NR5A2: variants seen among roughly 807,000 people sequenced by gnomAD.
NR5A2 encodes CYP7A promoter-binding factor.
A neutral mutation model predicts 62.7 loss-of-function variants in NR5A2; 26 were observed. The observed-to-expected ratio is 0.41, with a 90% CI of 0.30 to 0.58. NR5A2 has a LOEUF of 0.58. NR5A2 is among the 20% of genes least tolerant of loss of function. The probability of loss-of-function intolerance (pLI) is 0.22; values close to 1 mark genes in which losing one functional copy is unlikely to be tolerated. For synonymous variants in NR5A2, 246 were observed against 241.7 expected (o/e 1.02, Z -0.16); for missense variants, 541 against 669.1 (o/e 0.81, Z 2.11).
At chr1:200,080,555 A>G (rs908524648) in intron 5 of NR5A2, among the ~76,000 whole-genome samples, 9 of 152,184 alleles carry the variant, frequency 5.9e-5, no homozygotes, top group African/African-American at 1.7e-4. Flanking sequence ...CTCACTATCT[A>G]AACAAAAGGC....
chr1:200,082,842 C>T (rs1664356526), intron 5 of NR5A2, among the ~76,000 whole-genome samples: 1 of 152,068 alleles, frequency 6.6e-6, no homozygotes, highest in South Asian at 2.1e-4. Flanking sequence ...AAAGGTCTTA[C>T]ATATTTATTA....
chr1:200,161,388 A>T (rs975147733), intron 7 of NR5A2, among the ~76,000 whole-genome samples: 1 of 152,154 alleles, frequency 6.6e-6, no homozygotes, highest in Non-Finnish European at 1.5e-5. Flanking sequence ...AGTTGATACA[A>T]TGTACGATCT....
At chr1:200,099,829 T>C (rs2102271159) in intron 5 of NR5A2, among the ~76,000 whole-genome samples, 1 of 152,276 alleles carries the variant, frequency 6.6e-6, no homozygotes, top group African/African-American at 2.4e-5. Flanking sequence ...CCTGACCTCG[T>C]GATCCACCCA....
chr1:200,145,904 G>A (rs953659089), intron 7 of NR5A2, among the ~76,000 whole-genome samples: 18 of 152,102 alleles, frequency 1.2e-4, no homozygotes, highest in African/African-American at 4.3e-4. Flanking sequence ...TCATATATTA[G>A]GAGAACACTG....
intron 7 of NR5A2, among the ~76,000 whole-genome samples, chr1:200,166,912 A>G (rs966959425): frequency 2.0e-5 from 3 of 152,232 alleles, no homozygotes; most frequent in African/African-American, 7.2e-5. Context: ...GGTGTTTGGT[A>G]AATGTTATTT....
chr1:200,061,610 C>T (rs1378900941), intron 5 of NR5A2, among the ~76,000 whole-genome samples: 1 of 152,190 alleles, frequency 6.6e-6, no homozygotes, highest in Non-Finnish European at 1.5e-5. Flanking sequence ...CTTGATCCAA[C>T]TTCTAATTCT....
At chr1:200,067,295 G>A (rs1274287611) in intron 5 of NR5A2, among the ~76,000 whole-genome samples, 4 of 152,168 alleles carry the variant, frequency 2.6e-5, no homozygotes, top group African/African-American at 4.8e-5. Flanking sequence ...GGTGGCTCAC[G>A]CCTGTAATCC....
At chr1:200,114,413 C>T (rs2249156) in intron 6 of NR5A2, among the ~76,000 whole-genome samples, 66,012 of 151,922 alleles carry the variant, frequency 0.43, 14,704 homozygotes, top group East Asian at 0.68. Flanking sequence ...ATATTTTCTT[C>T]ACTAGTGCAG....
At chr1:200,137,727 T>C (rs1419411025) in intron 7 of NR5A2, among the ~76,000 whole-genome samples, 1 of 152,238 alleles carries the variant, frequency 6.6e-6, no homozygotes, top group Non-Finnish European at 1.5e-5. Context: ...CATATGAATT[T>C]CTTAGTATGT....
At chr1:200,061,275 CTT>C (rs35232000) in intron 5 of NR5A2, among the ~76,000 whole-genome samples, 21 of 122,796 alleles carry the variant, frequency 1.7e-4, no homozygotes, top group Admixed American at 2.6e-4. Flanking sequence ...TCGGGATTAA[CTT>C]TTTTTTTTTT....
intron 7 of NR5A2, among the ~76,000 whole-genome samples, chr1:200,160,354 C>T (rs1405998422): frequency 2.0e-5 from 3 of 152,166 alleles, no homozygotes; most frequent in African/African-American, 7.2e-5. Flanking sequence ...GAAGATAGCA[C>T]CTTGTCCACT....
chr1:200,038,662 C>T (rs1167124264), intron 1 of NR5A2: 1 of 1,332,636 alleles, frequency 7.5e-7, no homozygotes, highest in East Asian at 4.6e-5. Context: ...GGGCACACGC[C>T]CACCCGCGCC....
intron 2 of NR5A2, chr1:200,043,107 T>A: frequency 1.5e-6 from 1 of 652,578 alleles, no homozygotes; most frequent in Non-Finnish European, 1.9e-6. Flanking sequence ...TCTTTTTCCT[T>A]CTTTTTATTT....
intron 5 of NR5A2, among the ~76,000 whole-genome samples, chr1:200,101,550 C>T (rs796491273): frequency 1.1e-4 from 16 of 152,256 alleles, no homozygotes; most frequent in African/African-American, 3.4e-4. Context: ...GAAAGCTAAC[C>T]CAGGAGTGGC....
At chr1:200,114,247 T>C (rs542692995) in intron 6 of NR5A2, among the ~76,000 whole-genome samples, 11 of 135,590 alleles carry the variant, frequency 8.1e-5, no homozygotes, top group Admixed American at 2.3e-4. Flanking sequence ...CACACACACA[T>C]ACACACAAAT....
intron 5 of NR5A2, among the ~76,000 whole-genome samples, chr1:200,099,684 C>T (rs527460616): frequency 6.6e-6 from 1 of 152,306 alleles, no homozygotes; most frequent in South Asian, 2.1e-4. Context: ...ACCTCTGCCT[C>T]CCAGGTTCAA....
intron 5 of NR5A2, among the ~76,000 whole-genome samples, chr1:200,099,839 A>G (rs1163141781): frequency 1.3e-5 from 2 of 152,018 alleles, no homozygotes; most frequent in African/African-American, 2.4e-5. Context: ...TGATCCACCC[A>G]CCTCGGCCTC....
At chr1:200,056,850 T>C (rs368440270) in intron 5 of NR5A2, among the ~76,000 whole-genome samples, 1 of 152,166 alleles carries the variant, frequency 6.6e-6, no homozygotes, top group Non-Finnish European at 1.5e-5. Context: ...AAGAAATCCA[T>C]GTTTAACTAG....
intron 1 of NR5A2, chr1:200,038,759 G>T (rs1661901025): frequency 7.3e-7 from 1 of 1,363,622 alleles, no homozygotes; most frequent in Non-Finnish European, 9.8e-7. Context: ...GACAGAGGTC[G>T]CTTCTGACTA....
Sources: gnomAD v4.1 joint callset for allele counts (sites outside exome capture counted in the v4.1 genomes callset) on GRCh38, gnomAD v4.1.1 for gene constraint, MANE v1.5 for transcripts, NCBI Gene and HGNC (gene_info 2026-07-23, HGNC 2026-07-21) for gene names.